Variants in SCAI observed in about 807,000 individuals in gnomAD.
SCAI encodes suppressor of cancer cell invasion.
In SCAI, 24 loss-of-function variants were observed where a neutral mutation model predicts 92.2. That is an observed-to-expected ratio of 0.26 (90% confidence interval 0.19 to 0.37). SCAI has a LOEUF of 0.37. SCAI is among the 10% of genes least tolerant of loss of function. The pLI, the probability that SCAI is intolerant of heterozygous loss-of-function variation, is 1.00. For synonymous variants in SCAI, 261 were observed against 258.6 expected (o/e 1.01, Z -0.09); for missense variants, 450 against 736.2 (o/e 0.61, Z 4.50).
intron 17 of SCAI, among the ~76,000 whole-genome samples, chr9:124,961,447 C>T (rs1331105358): frequency 3.3e-5 from 5 of 151,452 alleles, no homozygotes; most frequent in South Asian, 2.1e-4. Flanking sequence ...GCCAGGAGTT[C>T]GAGACCAGCC....
chr9:125,113,539 A>G (rs1441649202), intron 2 of SCAI, among the ~76,000 whole-genome samples: 1 of 152,188 alleles, frequency 6.6e-6, no homozygotes, highest in Non-Finnish European at 1.5e-5. Flanking sequence ...AAAATTATGA[A>G]TTTCAGTTAA....
intron 9 of SCAI, among the ~76,000 whole-genome samples, chr9:125,015,236 T>C (rs1328197529): frequency 6.6e-6 from 1 of 152,136 alleles, no homozygotes; most frequent in African/African-American, 2.4e-5. Flanking sequence ...ACCATCAGAA[T>C]GAACAGGCAA....
chr9:125,013,523 T>C (rs1832683108), intron 9 of SCAI, among the ~76,000 whole-genome samples: 1 of 152,202 alleles, frequency 6.6e-6, no homozygotes, highest in Admixed American at 6.5e-5. Context: ...GGCTCTGAAA[T>C]TGTGGCAATA....
chr9:125,095,189 T>C (rs756148393), intron 2 of SCAI, among the ~76,000 whole-genome samples: 5 of 152,198 alleles, frequency 3.3e-5, no homozygotes, highest in Non-Finnish European at 5.9e-5. Context: ...CAGCCATTTC[T>C]GCTCAAAGCA....
At position 124,943,850 on chromosome 9, in the gene SCAI, G is replaced by A. The variant is rs1347159737; in HGVS notation, c.*8957C>T. 3.3e-5 allele frequency: 5 copies of A among 152,248 alleles called. No individual in the cohort carries two copies. The highest frequency in any genetic ancestry group is 7.4e-5 in the Non-Finnish European group (5 of 68,002). 9.4% of individuals were successfully genotyped at this position (152,248 alleles called of 1,614,324 possible). A position where few individuals can be genotyped will look rare whatever the true frequency, so the allele number is the denominator to read the frequency against. ...CTCAGAGGAAATAATAAAGTGTCCTGAAATTACAATAATTCTTAGCACAAA... is the reference window on the plus strand; with the variant it reads ...CTCAGAGGAAATAATAAAGTGTCCTAAAATTACAATAATTCTTAGCACAAA... On this transcript the variant is annotated 3_prime_UTR_variant, in exon 18 of 18. Transcript: ENST00000336505.
chr9:124,995,896 TA>T (rs2131622634), intron 13 of SCAI, among the ~76,000 whole-genome samples: 1 of 152,176 alleles, frequency 6.6e-6, no homozygotes, highest in African/African-American at 2.4e-5. Context: ...GGAAATCCAG[TA>T]ACATGCATGT....
chr9:124,983,056 A>G (rs893526210), intron 14 of SCAI, among the ~76,000 whole-genome samples: 2 of 151,768 alleles, frequency 1.3e-5, no homozygotes, highest in African/African-American at 4.9e-5. Context: ...GGAGGCTGAC[A>G]TAGGAGGATC....
At chr9:125,061,193 A>C (rs1833761801) in intron 2 of SCAI, among the ~76,000 whole-genome samples, 1 of 152,134 alleles carries the variant, frequency 6.6e-6, no homozygotes, top group South Asian at 2.1e-4. Flanking sequence ...GCCACTCTGG[A>C]GGCTGAGGCA....
chr9:125,039,720 G>A (rs554083647), intron 3 of SCAI, among the ~76,000 whole-genome samples: 2 of 152,204 alleles, frequency 1.3e-5, no homozygotes, highest in East Asian at 3.9e-4. Context: ...TTTATATAGG[G>A]CTTGGTTACA....
intron 2 of SCAI, among the ~76,000 whole-genome samples, chr9:125,081,690 A>T (rs1342880492): frequency 6.6e-6 from 1 of 152,128 alleles, no homozygotes; most frequent in African/African-American, 2.4e-5. Context: ...TTCCTGCCTC[A>T]ACCTCCTGAG....
intron 3 of SCAI, among the ~76,000 whole-genome samples, chr9:125,045,706 T>G (rs1360867674): frequency 6.6e-6 from 1 of 152,218 alleles, no homozygotes; most frequent in Non-Finnish European, 1.5e-5. Flanking sequence ...GAAAAACTTC[T>G]CGGAAGTAGC....
intron 2 of SCAI, among the ~76,000 whole-genome samples, chr9:125,092,176 T>G: frequency 1.5e-5 from 2 of 133,690 alleles, no homozygotes; most frequent in Admixed American, 7.8e-5. Context: ...AAATCAGGCT[T>G]GGCTGCACAT....
At chr9:124,994,213 T>C (rs1436003239) in intron 14 of SCAI, among the ~76,000 whole-genome samples, 1 of 152,116 alleles carries the variant, frequency 6.6e-6, no homozygotes, top group Non-Finnish European at 1.5e-5. Flanking sequence ...TTTATATTTT[T>C]AGTAGAGATG....
chr9:124,955,992 T>C (rs1196407850), intron 17 of SCAI, among the ~76,000 whole-genome samples: 2 of 152,114 alleles, frequency 1.3e-5, no homozygotes, highest in Non-Finnish European at 1.5e-5. Context: ...AACAAACTTT[T>C]TAAGAAATAG....
intron 3 of SCAI, among the ~76,000 whole-genome samples, chr9:125,042,488 T>C (rs1450335032): frequency 6.6e-6 from 1 of 151,966 alleles, no homozygotes. Context: ...TTATCAGTCC[T>C]CTCTATGGCA....
At chr9:125,001,702 T>C (rs1259105879) in intron 12 of SCAI, among the ~76,000 whole-genome samples, 2 of 152,216 alleles carry the variant, frequency 1.3e-5, no homozygotes, top group Admixed American at 6.5e-5. Context: ...TATTTACATA[T>C]TATGCTTTTG....
Position 125,077,180 on chromosome 9 carries a change from C to G in SCAI, c.99-21173G>C, listed in dbSNP as rs12684121. Among the ~76,000 whole-genome samples the G allele has an allele frequency of 0.013, 1,917 of 152,314 alleles. 139 individuals carry two copies. In the East Asian group the frequency reaches 0.22, roughly 18 times the overall value. ...ATTCCGTCACAATTCTGCTTTCCTA[C>G]ATTTCATGTTTTGTCTACAATAAAG... On this transcript the variant is annotated intron_variant, in intron 2 of 17. Transcript: ENST00000336505.
rs1466008468 is a variant in SCAI at position 125,013,801 on chromosome 9, TCC to T, written c.861+4996_861+4997del. Among the ~76,000 whole-genome samples, 47 of 152,180 alleles carry T rather than the reference TCC, an allele frequency of 3.1e-4. 2 individuals carry two copies. In the East Asian group the frequency reaches 8.9e-3, roughly 29 times the overall value. On this transcript the variant is annotated intron_variant, in intron 9 of 17. Coordinates refer to ENST00000336505, the MANE Select transcript of SCAI (RefSeq NM_001144877.3). ...CTCAATAAAATACTGGCAAACCGAA[TCC>T]AGCAGCACATCAAAAAGCTTATCCA...
In SCAI at chr9:124,945,065, T is replaced by C. The variant is rs1213369467; in HGVS notation, c.*7742A>G. The C allele has an allele frequency of 6.6e-6, 1 of 152,178 alleles. No homozygotes were observed. Among genetic ancestry groups the C allele is most frequent in the Non-Finnish European group, 1.5e-5 (1 of 68,040 alleles). 9.4% of individuals were successfully genotyped at this position (152,178 alleles called of 1,614,324 possible). A position where few individuals can be genotyped will look rare whatever the true frequency, so the allele number is the denominator to read the frequency against. ...AATATTACACCTAAAAAGATGATTG[T>C]CGTAGTAGACAGACTGGAATTGTCC... is the stretch of plus-strand genomic sequence containing the variant. On this transcript the variant is annotated 3_prime_UTR_variant, in exon 18 of 18. Coordinates refer to ENST00000336505, the MANE Select transcript of SCAI (RefSeq NM_001144877.3).
Sources: allele counts gnomAD v4.1 joint callset (sites outside exome capture counted in the v4.1 genomes callset), GRCh38; gene constraint gnomAD v4.1.1; transcripts MANE v1.5; gene names NCBI Gene and HGNC (gene_info 2026-07-23, HGNC 2026-07-21).